The following CELF4 variants were observed in gnomAD, a reference collection of about 807,000 sequenced individuals.
CELF4 encodes the protein CUGBP Elav-like family member 4, also known as CUG-BP- and ETR-3-like factor 4.
A neutral mutation model predicts 59.9 loss-of-function variants in CELF4; 18 were observed. The observed-to-expected ratio is 0.30, with a 90% CI of 0.21 to 0.45. The LOEUF is 0.45. Ranked by LOEUF, CELF4 falls within the 20% of genes least tolerant of loss-of-function variation. The pLI is 1.00. For missense variants in CELF4, 456 were observed against 689.0 expected (o/e 0.66, Z 3.79); for synonymous variants, 261 against 267.1 (o/e 0.98, Z 0.22).
intron 2 of CELF4, among the ~76,000 whole-genome samples, chr18:37,485,159 C>G (rs1479107602): frequency 6.6e-6 from 1 of 152,080 alleles, no homozygotes; most frequent in African/African-American, 2.4e-5. Flanking sequence ...CCCTCCCACG[C>G]CGGCCCCCTC....
chr18:37,352,599 A>T (rs1466055478), intron 2 of CELF4, among the ~76,000 whole-genome samples: 5 of 152,078 alleles, frequency 3.3e-5, no homozygotes, highest in Non-Finnish European at 7.4e-5. Flanking sequence ...CCTCTAAAAA[A>T]AAAAATTAAA....
At chr18:37,364,891 G>A (rs2098755864) in intron 2 of CELF4, among the ~76,000 whole-genome samples, 1 of 152,170 alleles carries the variant, frequency 6.6e-6, no homozygotes, top group African/African-American at 2.4e-5. Flanking sequence ...CAGTGACTAT[G>A]GAGCTCAAGA....
At chr18:37,499,065 C>T (rs2099928490) in intron 1 of CELF4, among the ~76,000 whole-genome samples, 1 of 152,162 alleles carries the variant, frequency 6.6e-6, no homozygotes, top group South Asian at 2.1e-4. Context: ...TTTTGTAGGA[C>T]CTGTGTGTGT....
rs1420317626 is a variant in CELF4, at chr18:37,259,716, C to G, written c.1250-452G>C. 3.3e-5 allele frequency among the ~76,000 whole-genome samples: 5 copies of G among 152,272 alleles called. 1 individual carries two copies. Among genetic ancestry groups the G allele is most frequent in the South Asian group, 4.1e-4 (2 of 4,832 alleles). On this transcript the variant is annotated intron_variant, in intron 10 of 12. Transcript: ENST00000420428. The stretch of plus-strand genomic sequence containing the variant: ...CAAGTCCTGTGCTGGGGAGACCCCC[C>G]ACTTTCCCTTCTCGCAGGCCAGTCT...
Position 37,331,504 on chromosome 18 carries a change from G to C in CELF4, c.370-9623C>G, listed in dbSNP as rs138946987. On this transcript the variant is annotated intron_variant, in intron 2 of 12. Coordinates refer to ENST00000420428, the MANE Select transcript of CELF4 (RefSeq NM_020180.4). ...TAATGATATGGCGGGGATTCAGGCT[G>C]GACTTGGACATGCTGGCTTTGAGTC... is the stretch of plus-strand genomic sequence containing the variant. Among the ~76,000 whole-genome samples the C allele has an allele frequency of 5.3e-5, 8 of 152,246 alleles. No individual in the cohort carries two copies. In the East Asian group the frequency reaches 1.5e-3, roughly 29 times the overall value.
intron 1 of CELF4, among the ~76,000 whole-genome samples, chr18:37,499,765 T>G (rs2099929389): frequency 6.6e-6 from 1 of 152,176 alleles, no homozygotes; most frequent in African/African-American, 2.4e-5. Flanking sequence ...TCTCTGGGCT[T>G]CAGTTTCCTT....
intron 2 of CELF4, among the ~76,000 whole-genome samples, chr18:37,357,005 C>A (rs567791553): frequency 1.3e-5 from 2 of 152,350 alleles, no homozygotes; most frequent in African/African-American, 4.8e-5. Context: ...CCCTCTCCTA[C>A]CCATTCATCC....
intron 1 of CELF4, among the ~76,000 whole-genome samples, chr18:37,549,303 T>A (rs1189416173): frequency 6.6e-6 from 1 of 152,200 alleles, no homozygotes; most frequent in Admixed American, 6.5e-5. Flanking sequence ...ATGGGACTAG[T>A]CTCATAGCAA....
At chr18:37,367,231 C>T (rs995636847) in intron 2 of CELF4, among the ~76,000 whole-genome samples, 35 of 151,404 alleles carry the variant, frequency 2.3e-4, no homozygotes, top group Admixed American at 1.7e-3. Flanking sequence ...GGAGGTGTGA[C>T]GAGAGAGTTG....
chr18:37,354,750 C>T (rs919056415), intron 2 of CELF4, among the ~76,000 whole-genome samples: 5 of 152,150 alleles, frequency 3.3e-5, no homozygotes, highest in African/African-American at 9.7e-5. Flanking sequence ...GCCCTCTAGG[C>T]CTTCCCACCA....
intron 3 of CELF4, among the ~76,000 whole-genome samples, chr18:37,282,895 G>C (rs916446504): frequency 6.6e-6 from 1 of 152,208 alleles, no homozygotes; most frequent in African/African-American, 2.4e-5. Context: ...CACTGTGCTA[G>C]AGCCAGCTGG....
At chr18:37,381,152 ATCC>A (rs1229294592) in intron 2 of CELF4, among the ~76,000 whole-genome samples, 12 of 151,236 alleles carry the variant, frequency 7.9e-5, no homozygotes, top group African/African-American at 3.0e-4. Flanking sequence ...CCATCCATCC[ATCC>A]ACCTACCATT....
chr18:37,421,616 C>A (rs1370923716), intron 2 of CELF4, among the ~76,000 whole-genome samples: 1 of 152,230 alleles, frequency 6.6e-6, no homozygotes, highest in Non-Finnish European at 1.5e-5. Context: ...GGCACGTGCC[C>A]CTCTTCTTTG....
chr18:37,404,487 G>T (rs1430180849), intron 2 of CELF4, among the ~76,000 whole-genome samples: 1 of 152,242 alleles, frequency 6.6e-6, no homozygotes, highest in African/African-American at 2.4e-5. Flanking sequence ...TTGGAAAACA[G>T]GAGTCCAGGC....
chr18:37,427,346 G>A (rs1195203515), intron 2 of CELF4, among the ~76,000 whole-genome samples: 2 of 152,124 alleles, frequency 1.3e-5, no homozygotes, highest in Non-Finnish European at 1.5e-5. Flanking sequence ...CCTCCCAATG[G>A]ACTCCCATAG....
chr18:37,474,369 C>A (rs572338876), intron 2 of CELF4, among the ~76,000 whole-genome samples: 14 of 152,244 alleles, frequency 9.2e-5, no homozygotes, highest in Non-Finnish European at 2.1e-4. Flanking sequence ...TCGAGGGCCA[C>A]TGCCCTGCCC....
At chr18:37,315,681 G>A (rs572332463) in intron 3 of CELF4, among the ~76,000 whole-genome samples, 9 of 152,274 alleles carry the variant, frequency 5.9e-5, no homozygotes, top group South Asian at 2.1e-4. Flanking sequence ...GCAGACACAC[G>A]CCCAGTTCCG....
chr18:37,319,617 A>G (rs1427044050), intron 3 of CELF4, among the ~76,000 whole-genome samples: 1 of 152,206 alleles, frequency 6.6e-6, no homozygotes, highest in Non-Finnish European at 1.5e-5. Context: ...CCAAGGATGA[A>G]CAGATCACCA....
intron 2 of CELF4, among the ~76,000 whole-genome samples, chr18:37,388,063 G>C (rs144073061): frequency 0.012 from 1,868 of 152,134 alleles, 27 homozygotes; most frequent in Middle Eastern, 0.048. Context: ...AGTTGGGGGA[G>C]GGGGGAGGGT....
Sources: allele counts gnomAD v4.1 joint callset (sites outside exome capture counted in the v4.1 genomes callset), GRCh38; gene constraint gnomAD v4.1.1; transcripts MANE v1.5; gene names NCBI Gene and HGNC (gene_info 2026-07-23, HGNC 2026-07-21).